Variants in NLRP11 observed in about 807,000 individuals in gnomAD.
The protein encoded by NLRP11 is NACHT, LRR and PYD domains-containing protein 11.
NLRP11 carries 53 observed loss-of-function variants against 79.3 expected under a neutral mutation model. That is an observed-to-expected ratio of 0.67 (90% CI 0.54 to 0.84). The LOEUF is 0.84. Among genes scored for constraint, NLRP11 ranks in the 40% least tolerant of loss-of-function variants. The pLI, the probability that NLRP11 is intolerant of heterozygous loss-of-function variation, is 0.00. For missense variants in NLRP11, 1,264 were observed against 1,255.0 expected (o/e 1.01, Z -0.11); for synonymous variants, 518 against 462.6 (o/e 1.12, Z -1.54).
intron 7 of NLRP11, among the ~76,000 whole-genome samples, chr19:55,790,430 C>T (rs571817176): frequency 6.6e-6 from 1 of 152,068 alleles, no homozygotes; most frequent in Non-Finnish European, 1.5e-5. Flanking sequence ...AGATTTGGCG[C>T]CTGGGTGATA....
At chr19:55,804,584 C>A (rs1247842071) in intron 4 of NLRP11, among the ~76,000 whole-genome samples, 1 of 151,846 alleles carries the variant, frequency 6.6e-6, no homozygotes, top group Non-Finnish European at 1.5e-5. Flanking sequence ...AAGAGGAGAA[C>A]AACAGACACT....
intron 1 of NLRP11, among the ~76,000 whole-genome samples, chr19:55,819,852 G>C (rs560502321): frequency 6.6e-6 from 1 of 152,310 alleles, no homozygotes; most frequent in South Asian, 2.1e-4. Context: ...ACACTCAACA[G>C]TGATGCCTAC....
At chr19:55,820,006 T>TA (rs1349066358) in intron 1 of NLRP11, among the ~76,000 whole-genome samples, 1 of 151,804 alleles carries the variant, frequency 6.6e-6, no homozygotes, top group Non-Finnish European at 1.5e-5. Flanking sequence ...AATAAAGGGG[T>TA]AAAAAAATGG....
chr19:55,793,165 C>G (rs1042129693), intron 6 of NLRP11, among the ~76,000 whole-genome samples: 1 of 152,218 alleles, frequency 6.6e-6, no homozygotes, highest in Non-Finnish European at 1.5e-5. Context: ...TAGGCGTGAG[C>G]CACCACACCC....
exon 6 of NLRP11, chr19:55,796,098 C>G (rs747461231): frequency 1.9e-6 from 3 of 1,613,200 alleles, no homozygotes; most frequent in African/African-American, 2.7e-5. Flanking sequence ...TATAAGAGTG[C>G]AGTTGGGATG....
chr19:55,789,322 C>T (rs1419974797), exon 8 of NLRP11: 2 of 1,614,010 alleles, frequency 1.2e-6, no homozygotes, highest in African/African-American at 1.3e-5. Context: ...AATCTCCAGG[C>T]TCCTCAGTTT....
upstream of NLRP11, among the ~76,000 whole-genome samples, chr19:55,833,818 T>G (rs1422836784): frequency 1.8e-5 from 1 of 54,120 alleles, no homozygotes; most frequent in African/African-American, 7.1e-5. Flanking sequence ...GATGAACAAA[T>G]AATAGTGAAA....
chr19:55,815,485 T>A (rs1981022139), intron 2 of NLRP11, among the ~76,000 whole-genome samples: 1 of 147,208 alleles, frequency 6.8e-6, no homozygotes, highest in Non-Finnish European at 1.5e-5. Context: ...GCCGAGATTG[T>A]TCCATTGCAT....
chr19:55,815,528 C>CAAAAAAAAAAAA (rs11343133), intron 2 of NLRP11, among the ~76,000 whole-genome samples: 1 of 92,826 alleles, frequency 1.1e-5, no homozygotes, highest in African/African-American at 3.6e-5. Context: ...GACTCCATCT[C>CAAAAAAAAAAAA]AAAAAAAAAA....
chr19:55,815,820 T>G (rs1293982126), intron 2 of NLRP11, among the ~76,000 whole-genome samples: 2 of 152,126 alleles, frequency 1.3e-5, no homozygotes, highest in African/African-American at 4.8e-5. Context: ...ACTAAGGCAA[T>G]GAAATGAATT....
chr19:55,835,839 C>A (rs981148808), upstream of NLRP11, among the ~76,000 whole-genome samples: 1 of 149,466 alleles, frequency 6.7e-6, no homozygotes, highest in Non-Finnish European at 1.5e-5. Context: ...AAAAATTAGC[C>A]GAGGCCAGGC....
At position 55,809,500 on chromosome 19, in the gene NLRP11, A is replaced by T; in HGVS notation, c.1110T>A (p.His370Gln). The T allele has an allele frequency of 1.2e-6, 2 of 1,614,162 alleles. No homozygotes were observed. Among genetic ancestry groups the T allele is most frequent in the Non-Finnish European group, 1.7e-6 (2 of 1,180,026 alleles). Reference sequence around the variant, plus strand: ...TCAACGCATCAGCAAGAAAGTGGGCATGTAGATCAGTGGGTGTTTGGCAGC... The same window carrying T: ...TCAACGCATCAGCAAGAAAGTGGGCTTGTAGATCAGTGGGTGTTTGGCAGC... The change falls in exon 3 of 10, where the codon CAT becomes CAA. Residue 370 changes from histidine (H) to glutamine (Q), a missense_variant. By Grantham distance (24) the His-to-Gln change is conservative. Coordinates refer to ENST00000589093, the Ensembl canonical transcript of NLRP11. This position sits in a 1 kb window ranked among gnomAD's most constrained non-coding sequence, Gnocchi z 4.5.
At chr19:55,804,698 C>T (rs181170266) in intron 4 of NLRP11, among the ~76,000 whole-genome samples, 9 of 152,158 alleles carry the variant, frequency 5.9e-5, no homozygotes, top group Admixed American at 1.3e-4. Context: ...AAAATATGTA[C>T]GTCAAACCTG....
At chr19:55,787,832 C>G (rs1349464900) in intron 9 of NLRP11, among the ~76,000 whole-genome samples, 1 of 152,228 alleles carries the variant, frequency 6.6e-6, no homozygotes, top group Non-Finnish European at 1.5e-5. Flanking sequence ...CAGCCAACAG[C>G]TCTCAAGGTA....
At chr19:55,793,160 G>A (rs1434844900) in intron 6 of NLRP11, among the ~76,000 whole-genome samples, 3 of 152,298 alleles carry the variant, frequency 2.0e-5, no homozygotes, top group Non-Finnish European at 4.4e-5. Flanking sequence ...AATTATAGGC[G>A]TGAGCCACCA....
intron 9 of NLRP11, 53 bp downstream of exon 9, chr19:55,788,741 CAAAAAAAAAAAAA>C (rs58239530): frequency 8.1e-5 from 31 of 380,428 alleles, no homozygotes; most frequent in Admixed American, 2.3e-4. Flanking sequence ...CTCTGTCTCT[CAAAAAAAAAAAAA>C]AAAAAAAAAA....
At chr19:55,817,487 C>T in intron 2 of NLRP11, among the ~76,000 whole-genome samples, 1 of 152,024 alleles carries the variant, frequency 6.6e-6, no homozygotes, top group Non-Finnish European at 1.5e-5. Flanking sequence ...ACAAATACTA[C>T]TCAGTCATAA....
chr19:55,809,900 T>A lies in NLRP11; in HGVS notation c.710A>T (p.Glu237Val). 2 of 1,614,132 alleles carry A rather than the reference T, an allele frequency of 1.2e-6. No homozygotes were observed. Among genetic ancestry groups the A allele is most frequent in the Non-Finnish European group, 1.7e-6 (2 of 1,179,998 alleles). The stretch of plus-strand genomic sequence containing the variant: ...CAAAGCACTTTCATTGACATTTAAC[T>A]CGAATCTTATGTTGTCCAAGTCCTC... Residue 237 changes from glutamate to valine, a missense_variant, in exon 3 of 10, where the codon GAG becomes GTG. Glu to Val is a moderately radical substitution (Grantham distance 121). Coordinates refer to ENST00000589093, the Ensembl canonical transcript of NLRP11. This position sits in a 1 kb window ranked among gnomAD's most constrained non-coding sequence, Gnocchi z 4.5.
At chr19:55,787,849 C>T (rs912693774) in intron 9 of NLRP11, among the ~76,000 whole-genome samples, 2 of 152,192 alleles carry the variant, frequency 1.3e-5, no homozygotes, top group Non-Finnish European at 2.9e-5. Context: ...GGTACTAAGA[C>T]CCTTAGCCCA....
Sources: gnomAD v4.1 joint callset for allele counts (sites outside exome capture counted in the v4.1 genomes callset) on GRCh38, gnomAD v4.1.1 for gene constraint, Gnocchi (gnomAD v3.1) non-coding constraint, MANE v1.5 for transcripts, NCBI Gene and HGNC (gene_info 2026-07-23, HGNC 2026-07-21) for gene names.